The following RAB38 variants were observed in gnomAD, a reference collection of about 807,000 sequenced individuals.
RAB38 encodes the protein ras-related protein Rab-38.
In RAB38, 15 loss-of-function variants were observed where a neutral mutation model predicts 18.4. The observed-to-expected ratio is 0.82, with a 90% confidence interval of 0.55 to 1.26. The LOEUF (loss-of-function observed/expected upper bound fraction) is 1.26, where lower values mean the gene tolerates loss of function less well. Ranked by LOEUF, RAB38 falls within the 50% of genes most tolerant of loss-of-function variation. The pLI is 0.00. For missense variants in RAB38, 294 were observed against 267.4 expected (o/e 1.10, Z -0.69); for synonymous variants, 101 against 104.4 (o/e 0.97, Z 0.20).
chr11:87,823,972 AGCTCATGAAATTAAAG>A, the RAB38 span, among the ~76,000 whole-genome samples: 1 of 152,202 alleles, frequency 6.6e-6, no homozygotes, highest in Non-Finnish European at 1.5e-5. Context: ...ATATTTAAAC[AGCTCATGAAATTAAAG>A]GCTTTAGTTT....
chr11:87,880,940 T>C, the RAB38 span, among the ~76,000 whole-genome samples: 1 of 151,874 alleles, frequency 6.6e-6, no homozygotes, highest in Admixed American at 6.6e-5. Context: ...TGTAATTAAG[T>C]ATCAACTAGT....
At chr11:87,934,234 A>G in the RAB38 span, among the ~76,000 whole-genome samples, 1 of 152,110 alleles carries the variant, frequency 6.6e-6, no homozygotes, top group African/African-American at 2.4e-5. Context: ...CAATGACTAA[A>G]AGGTAAATCC....
At chr11:88,056,241 C>T in the RAB38 span, among the ~76,000 whole-genome samples, 1 of 152,098 alleles carries the variant, frequency 6.6e-6, no homozygotes, top group Non-Finnish European at 1.5e-5. Flanking sequence ...ATTACAGATA[C>T]AAAGGTGACT....
chr11:88,122,543 G>A (rs765904975), intron 2 of RAB38, among the ~76,000 whole-genome samples: 2 of 152,090 alleles, frequency 1.3e-5, no homozygotes, highest in African/African-American at 2.4e-5. Flanking sequence ...AACAATTATT[G>A]AACACTTTAT....
At chr11:87,856,196 C>G in the RAB38 span, among the ~76,000 whole-genome samples, 1 of 152,156 alleles carries the variant, frequency 6.6e-6, no homozygotes, top group Non-Finnish European at 1.5e-5. Flanking sequence ...AAATTTGGAG[C>G]AATGAACTGC....
At chr11:88,174,087 T>G (rs1370774201) in intron 1 of RAB38, 5 of 985,390 alleles carry the variant, frequency 5.1e-6, no homozygotes, top group Non-Finnish European at 6.0e-6. Flanking sequence ...GTTGTTCCCA[T>G]GGAGAATCCC....
At chr11:87,818,299 C>G in the RAB38 span, among the ~76,000 whole-genome samples, 1 of 152,026 alleles carries the variant, frequency 6.6e-6, no homozygotes, top group African/African-American at 2.4e-5. Flanking sequence ...AACTAGTATG[C>G]CATATTTTAA....
the RAB38 span, among the ~76,000 whole-genome samples, chr11:87,819,720 GTA>G: frequency 2.2e-4 from 1 of 4,464 alleles, no homozygotes; most frequent in Non-Finnish European, 4.6e-4. Context: ...ATATATACGT[GTA>G]TGTATATATA....
chr11:87,825,590 G>A, the RAB38 span, among the ~76,000 whole-genome samples: 1 of 151,986 alleles, frequency 6.6e-6, no homozygotes, highest in Admixed American at 6.6e-5. Flanking sequence ...AACTACCTCT[G>A]GAAAGATGCT....
the RAB38 span, among the ~76,000 whole-genome samples, chr11:87,837,219 C>G: frequency 6.6e-6 from 1 of 152,114 alleles, no homozygotes; most frequent in Non-Finnish European, 1.5e-5. Flanking sequence ...GGAATGCTTC[C>G]TATATACTTA....
At chr11:88,014,639 C>G in the RAB38 span, among the ~76,000 whole-genome samples, 1 of 152,030 alleles carries the variant, frequency 6.6e-6, no homozygotes, top group Admixed American at 6.6e-5. Context: ...CCATACCTAC[C>G]CTGCTGGCAA....
At chr11:87,890,456 CCA>C in the RAB38 span, among the ~76,000 whole-genome samples, 1 of 151,820 alleles carries the variant, frequency 6.6e-6, no homozygotes, top group Non-Finnish European at 1.5e-5. Context: ...CCCTCACCTG[CCA>C]GAGTGACCAT....
the RAB38 span, among the ~76,000 whole-genome samples, chr11:87,883,456 T>G: frequency 1.3e-5 from 2 of 151,902 alleles, no homozygotes; most frequent in South Asian, 4.1e-4. Context: ...AATCTCTACA[T>G]AATGATGTTG....
chr11:88,007,038 GT>G, the RAB38 span, among the ~76,000 whole-genome samples: 1 of 151,802 alleles, frequency 6.6e-6, no homozygotes, highest in African/African-American at 2.4e-5. Context: ...AATGTTTAAT[GT>G]GATGGATATG....
At chr11:87,865,622 T>C in the RAB38 span, among the ~76,000 whole-genome samples, 23 of 151,624 alleles carry the variant, frequency 1.5e-4, no homozygotes, top group Middle Eastern at 3.4e-3. Context: ...AACTTTGTGG[T>C]GATTTGTTAG....
the RAB38 span, among the ~76,000 whole-genome samples, chr11:87,901,853 T>C: frequency 4.6e-5 from 7 of 151,674 alleles, no homozygotes; most frequent in East Asian, 7.8e-4. Context: ...CTTAATGTTA[T>C]AGACTTTGGT....
chr11:88,036,520 A>G, the RAB38 span, among the ~76,000 whole-genome samples: 2 of 152,010 alleles, frequency 1.3e-5, no homozygotes, highest in Non-Finnish European at 2.9e-5. Context: ...AAATGTCTAT[A>G]CCAATGCCAT....
chr11:88,172,127 CG>C (rs1377135320), intron 1 of RAB38, among the ~76,000 whole-genome samples: 3 of 152,328 alleles, frequency 2.0e-5, no homozygotes, highest in African/African-American at 7.2e-5. Context: ...CTGAGTGAAA[CG>C]GAACCGGGTC....
the RAB38 span, among the ~76,000 whole-genome samples, chr11:87,900,819 GA>G: frequency 6.6e-6 from 1 of 151,244 alleles, no homozygotes; most frequent in South Asian, 2.1e-4. Flanking sequence ...AGCAAAAAAG[GA>G]AAGAAATGAA....
Sources: gnomAD v4.1 joint callset for allele counts (sites outside exome capture counted in the v4.1 genomes callset) on GRCh38, gnomAD v4.1.1 for gene constraint, MANE v1.5 for transcripts, NCBI Gene and HGNC (gene_info 2026-07-23, HGNC 2026-07-21) for gene names.